Variants in CNTN4 observed in about 807,000 individuals in gnomAD.
The protein encoded by CNTN4 is contactin-4.
CNTN4 carries 77 observed loss-of-function variants against 122.5 expected under a neutral mutation model. The observed-to-expected ratio is 0.63, with a 90% CI of 0.52 to 0.76. The LOEUF (loss-of-function observed/expected upper bound fraction) is 0.76, where lower values mean the gene tolerates loss of function less well. Ranked by LOEUF, CNTN4 falls within the 30% of genes least tolerant of loss-of-function variation. The pLI, the probability that CNTN4 is intolerant of heterozygous loss-of-function variation, is 0.00. For synonymous variants in CNTN4, 512 were observed against 447.0 expected, an observed-to-expected ratio of 1.15 and a Z score of -1.83; for missense variants, 1,256 against 1,259.1, an observed-to-expected ratio of 1.00 and a Z score of 0.04.
chr3:2,424,071 T>A (rs572595095), intron 3 of CNTN4, among the ~76,000 whole-genome samples: 18 of 151,668 alleles, frequency 1.2e-4, no homozygotes, highest in Middle Eastern at 3.4e-3. Context: ...CTTCTTTTTT[T>A]AAATTGTATT....
chr3:2,830,850 G>A (rs1379310192), intron 7 of CNTN4, among the ~76,000 whole-genome samples: 1 of 152,134 alleles, frequency 6.6e-6, no homozygotes, highest in East Asian at 1.9e-4. Flanking sequence ...GCATTAAGCA[G>A]GATGTTACAT....
chr3:2,732,133 C>T (rs1418573071), intron 4 of CNTN4, among the ~76,000 whole-genome samples: 2 of 152,094 alleles, frequency 1.3e-5, no homozygotes, highest in African/African-American at 4.8e-5. Context: ...TTAGACTTTG[C>T]CCCCAAAAAA....
Position 2,618,110 on chromosome 3 carries a change from G to A in CNTN4, c.55+46552G>A, listed in dbSNP as rs537414358. On this transcript the variant is annotated intron_variant, in intron 4 of 24. Transcript: ENST00000418658. ...TATGTAGTAGTTAGAACAGATACATGTTTACATGTAATATGGGATAGGTAT... is the reference window on the plus strand; with the variant it reads ...TATGTAGTAGTTAGAACAGATACATATTTACATGTAATATGGGATAGGTAT... Among the ~76,000 whole-genome samples, 111 of 152,222 alleles carry A rather than the reference G, an allele frequency of 7.3e-4. 2 individuals are homozygous for A. Among genetic ancestry groups the A allele is most frequent in the African/African-American group, 2.6e-3 (110 of 41,540 alleles).
At position 2,782,327 on chromosome 3, in the gene CNTN4, A is replaced by G. The variant is rs183961901; in HGVS notation, c.358+36630A>G. On this transcript the variant is annotated intron_variant, in intron 6 of 24. Coordinates refer to ENST00000418658, the MANE Select transcript of CNTN4 (RefSeq NM_175607.3). The stretch of plus-strand genomic sequence containing the variant: ...CCTTAGAATTTTATTTGTGGTTTAT[A>G]GCAAGATACCTCTGCATGCTGTATG... 1.4e-3 allele frequency among the ~76,000 whole-genome samples: 217 copies of G among 152,048 alleles called. 2 individuals are homozygous for G. The highest frequency in any genetic ancestry group is 5.0e-3 in the African/African-American group (209 of 41,468).
intron 3 of CNTN4, among the ~76,000 whole-genome samples, chr3:2,521,343 T>TCGCCCCCCCCCCCCCCC (rs781282977): frequency 2.0e-4 from 26 of 128,306 alleles, no homozygotes; most frequent in Admixed American, 4.1e-4. Flanking sequence ...CCTCTACCCA[T>TCGCCCCCCCCCCCCCCC]CCCCCCCACC....
chr3:2,612,630 AG>A (rs2081548083), intron 4 of CNTN4, among the ~76,000 whole-genome samples: 1 of 152,140 alleles, frequency 6.6e-6, no homozygotes, highest in Admixed American at 6.6e-5. Context: ...GGGTAGAATG[AG>A]GTAGATAAAA....
chr3:2,364,121 G>C (rs1039627518), intron 3 of CNTN4, among the ~76,000 whole-genome samples: 1 of 152,082 alleles, frequency 6.6e-6, no homozygotes, highest in African/African-American at 2.4e-5. Context: ...TTGGGGGTGG[G>C]CAACGTGGTA....
At chr3:2,656,052 T>G (rs552515503) in intron 4 of CNTN4, among the ~76,000 whole-genome samples, 1 of 152,314 alleles carries the variant, frequency 6.6e-6, no homozygotes, top group South Asian at 2.1e-4. Context: ...TAAGAATGTT[T>G]TATTGTCCTC....
chr3:2,646,748 G>T (rs1178707525), intron 4 of CNTN4, among the ~76,000 whole-genome samples: 1 of 152,160 alleles, frequency 6.6e-6, no homozygotes. Flanking sequence ...TGTTCCTGAG[G>T]ACTCTCTCCC....
At chr3:2,258,091 C>G (rs548680231) in intron 2 of CNTN4, among the ~76,000 whole-genome samples, 1 of 152,188 alleles carries the variant, frequency 6.6e-6, no homozygotes, top group East Asian at 1.9e-4. Context: ...AATCAGGAAA[C>G]AACAGATGCT....
At position 2,827,801 on chromosome 3, in the gene CNTN4, A is replaced by G. The variant is rs371910664; in HGVS notation, c.454+8220A>G. ...CTTCATTTCCTTAGAAAAACAAGGCACTAGGTAGACTTAGGCGGATGCAGG... is the reference window on the plus strand; with the variant it reads ...CTTCATTTCCTTAGAAAAACAAGGCGCTAGGTAGACTTAGGCGGATGCAGG... On this transcript the variant is annotated intron_variant, in intron 7 of 24. Transcript: ENST00000418658. Among the ~76,000 whole-genome samples the G allele has an allele frequency of 2.0e-4, 31 of 152,330 alleles. No homozygotes were observed. In the East Asian group the frequency reaches 2.3e-3, roughly 11 times the overall value.
chr3:3,010,264 TCTGTTAC>T (rs1697091682), intron 14 of CNTN4, among the ~76,000 whole-genome samples: 1 of 152,068 alleles, frequency 6.6e-6, no homozygotes, highest in Admixed American at 6.5e-5. Context: ...CTTCCAGTGC[TCTGTTAC>T]CTGACTTCAA....
intron 13 of CNTN4, among the ~76,000 whole-genome samples, chr3:2,944,349 G>A (rs2094650585): frequency 6.6e-6 from 1 of 152,030 alleles, no homozygotes; most frequent in Admixed American, 6.6e-5. Flanking sequence ...CTAAGTAGTA[G>A]AATTTTAAAG....
chr3:2,101,929 G>GCT (rs2031999623), intron 2 of CNTN4, among the ~76,000 whole-genome samples: 2 of 152,066 alleles, frequency 1.3e-5, no homozygotes, highest in Admixed American at 6.6e-5. Flanking sequence ...TCTCTGCTCT[G>GCT]CTGTTCATCA....
chr3:2,123,785 T>C (rs2033951264), intron 2 of CNTN4, among the ~76,000 whole-genome samples: 1 of 152,198 alleles, frequency 6.6e-6, no homozygotes, highest in Admixed American at 6.5e-5. Context: ...CCTGCACCAC[T>C]TAACTGATCA....
At chr3:2,388,325 T>G (rs1440533851) in intron 3 of CNTN4, among the ~76,000 whole-genome samples, 1 of 152,212 alleles carries the variant, frequency 6.6e-6, no homozygotes, top group African/African-American at 2.4e-5. Flanking sequence ...ATATCAGAAC[T>G]GTTTTCTTCT....
At chr3:2,969,895 C>G (rs534357721) in intron 13 of CNTN4, among the ~76,000 whole-genome samples, 1 of 152,194 alleles carries the variant, frequency 6.6e-6, no homozygotes, top group East Asian at 1.9e-4. Flanking sequence ...AACTCAAAAG[C>G]AGATTGCAGT....
chr3:2,274,226 T>TA lies in CNTN4; in HGVS notation c.-144-64945dup, dbSNP rs958679160. 5.3e-5 allele frequency among the ~76,000 whole-genome samples: 8 copies of TA among 151,898 alleles called. 1 individual carries two copies. Among genetic ancestry groups the TA allele is most frequent in the Admixed American group, 1.3e-4 (2 of 15,248 alleles). ...GGTGAAAACCTGTCTCTACTAAAAA[T>TA]AAAAAAATTAGCCAGGTGTGGTGGT... On this transcript the variant is annotated intron_variant, in intron 2 of 24. Coordinates refer to ENST00000418658, the MANE Select transcript of CNTN4 (RefSeq NM_175607.3).
intron 6 of CNTN4, among the ~76,000 whole-genome samples, chr3:2,773,127 T>TGG (rs61218755): frequency 2.8e-4 from 43 of 150,928 alleles, no homozygotes; most frequent in Middle Eastern, 6.9e-3. Context: ...AATCTTTTGG[T>TGG]GGGGGGGGTT....
Sources: gnomAD v4.1 joint callset for allele counts (sites outside exome capture counted in the v4.1 genomes callset) on GRCh38, gnomAD v4.1.1 for gene constraint, MANE v1.5 for transcripts, NCBI Gene and HGNC (gene_info 2026-07-23, HGNC 2026-07-21) for gene names.